The following PPME1 variants were observed in gnomAD, a reference collection of about 807,000 sequenced individuals.
PPME1 encodes testicular secretory protein Li 39.
A neutral mutation model predicts 56.9 loss-of-function variants in PPME1; 17 were observed. The ratio of observed to expected loss-of-function variants is 0.30; its 90% confidence interval spans 0.20 to 0.45. The LOEUF is 0.45. Among genes scored for constraint, PPME1 ranks in the 20% least tolerant of loss-of-function variants. The pLI is 1.00. For synonymous variants in PPME1, 122 were observed against 156.2 expected (o/e 0.78, Z 1.63); for missense variants, 357 against 483.2 (o/e 0.74, Z 2.45).
intron 1 of PPME1, among the ~76,000 whole-genome samples, chr11:74,192,421 G>C (rs1231383113): frequency 6.6e-6 from 1 of 152,078 alleles, no homozygotes; most frequent in East Asian, 1.9e-4. Flanking sequence ...ATGAGTCTTA[G>C]ATGAGACTTA....
chr11:74,178,526 T>C (rs1857454046), intron 1 of PPME1, among the ~76,000 whole-genome samples: 2 of 152,296 alleles, frequency 1.3e-5, no homozygotes, highest in South Asian at 4.1e-4. Context: ...GGGCAGGTAA[T>C]GTCTGGAATA....
rs1245123801 is a variant in PPME1, at chr11:74,197,154, C to G, written c.102-6574C>G. Among the ~76,000 whole-genome samples the G allele has an allele frequency of 2.6e-5, 4 of 152,082 alleles. No homozygotes were observed. In the East Asian group the frequency reaches 7.7e-4, roughly 29 times the overall value. ...ACCACAGTCTTGATTGGTGTAGTAT[C>G]CCATTCGCTTTTACTAGAAAGTTTA... On this transcript the variant is annotated intron_variant, in intron 1 of 13. Transcript: ENST00000328257.
intron 7 of PPME1, among the ~76,000 whole-genome samples, chr11:74,235,376 TCTC>T (rs1034359043): frequency 8.5e-5 from 13 of 152,150 alleles, no homozygotes; most frequent in African/African-American, 3.1e-4. Flanking sequence ...CCTCCCTGCT[TCTC>T]CTTGCACCCA....
chr11:74,249,261 T>C (rs1410754272), intron 11 of PPME1: 1 of 152,220 alleles, frequency 6.6e-6, no homozygotes, highest in Non-Finnish European at 1.5e-5. Flanking sequence ...GCCAGCACTG[T>C]GTTCAAACCA....
At chr11:74,231,314 C>G (rs1478205283) in intron 7 of PPME1, among the ~76,000 whole-genome samples, 1 of 152,202 alleles carries the variant, frequency 6.6e-6, no homozygotes, top group African/African-American at 2.4e-5. Context: ...CTCAAGTAAT[C>G]AAGTAATCAA....
intron 13 of PPME1, 200 bp downstream of exon 13, chr11:74,251,915 G>C: frequency 5.2e-6 from 4 of 768,450 alleles, no homozygotes; most frequent in Non-Finnish European, 9.3e-6. Flanking sequence ...GTGCTCCCAC[G>C]GGTTGATGCT....
At chr11:74,190,017 T>C (rs568777590) in intron 1 of PPME1, among the ~76,000 whole-genome samples, 1 of 152,238 alleles carries the variant, frequency 6.6e-6, no homozygotes, top group Non-Finnish European at 1.5e-5. Flanking sequence ...AATCTGAAAC[T>C]TTTTGAGTGC....
At chr11:74,211,336 T>C (rs1236987251) in intron 3 of PPME1, among the ~76,000 whole-genome samples, 2 of 151,778 alleles carry the variant, frequency 1.3e-5, no homozygotes, top group Non-Finnish European at 2.9e-5. Context: ...CAAGATAATT[T>C]TGAAAAAGAG....
intron 1 of PPME1, among the ~76,000 whole-genome samples, chr11:74,191,490 A>G (rs898349901): frequency 6.6e-6 from 1 of 152,232 alleles, no homozygotes; most frequent in African/African-American, 2.4e-5. Flanking sequence ...AAAGGGAACC[A>G]ATTGTTAATA....
At chr11:74,246,682 T>G (rs1336531517) in intron 10 of PPME1, among the ~76,000 whole-genome samples, 1 of 152,168 alleles carries the variant, frequency 6.6e-6, no homozygotes, top group Non-Finnish European at 1.5e-5. Context: ...CCTTCCTCAT[T>G]CATCTATGCC....
chr11:74,208,731 C>CAG (rs1858394704), intron 3 of PPME1, among the ~76,000 whole-genome samples: 1 of 152,094 alleles, frequency 6.6e-6, no homozygotes, highest in African/African-American at 2.4e-5. Context: ...AAAGGTAATG[C>CAG]AGAGGAAGGA....
intron 1 of PPME1, among the ~76,000 whole-genome samples, chr11:74,200,635 G>A (rs746061530): frequency 7.2e-5 from 11 of 151,934 alleles, no homozygotes; most frequent in African/African-American, 9.7e-5. Flanking sequence ...TGCCCACCTC[G>A]GTCTCCCAAA....
chr11:74,174,191 G>C (rs1454769067), intron 1 of PPME1, among the ~76,000 whole-genome samples: 1 of 152,134 alleles, frequency 6.6e-6, no homozygotes, highest in South Asian at 2.1e-4. Context: ...ATAAGGGAAT[G>C]TATTAATAAA....
intron 1 of PPME1, among the ~76,000 whole-genome samples, chr11:74,201,174 A>G (rs1406832771): frequency 6.6e-6 from 1 of 151,676 alleles, no homozygotes; most frequent in Non-Finnish European, 1.5e-5. Flanking sequence ...ACGGGGTTTC[A>G]CCGTGTTAGC....
intron 9 of PPME1, among the ~76,000 whole-genome samples, chr11:74,239,958 A>ATTTTTTTT (rs760748505): frequency 1.1e-5 from 1 of 89,920 alleles, no homozygotes; most frequent in Non-Finnish European, 2.4e-5. Context: ...TTTTCTTTCC[A>ATTTTTTTT]TTTTTTTTTT....
intron 1 of PPME1, among the ~76,000 whole-genome samples, chr11:74,175,371 C>T (rs1857377554): frequency 6.6e-6 from 1 of 152,050 alleles, no homozygotes; most frequent in Non-Finnish European, 1.5e-5. Context: ...CGTGGTGGCA[C>T]ATGCCTGTAA....
At chr11:74,211,748 A>T (rs1468148832) in intron 3 of PPME1, among the ~76,000 whole-genome samples, 1 of 152,206 alleles carries the variant, frequency 6.6e-6, no homozygotes, top group African/African-American at 2.4e-5. Context: ...TATATTAAAA[A>T]GAAGAAAAAA....
intron 12 of PPME1, 177 bp downstream of exon 12, chr11:74,251,195 T>C: frequency 6.9e-7 from 1 of 1,449,798 alleles, no homozygotes; most frequent in Non-Finnish European, 9.1e-7. Flanking sequence ...TGGTATTGGT[T>C]TTGTGTATAT....
intron 1 of PPME1, among the ~76,000 whole-genome samples, chr11:74,189,009 C>T (rs1857764785): frequency 6.6e-6 from 1 of 152,092 alleles, no homozygotes; most frequent in Non-Finnish European, 1.5e-5. Context: ...TTTGTAATAT[C>T]CTACAAGTAA....
Sources: gnomAD v4.1 joint callset for allele counts (sites outside exome capture counted in the v4.1 genomes callset) on GRCh38, gnomAD v4.1.1 for gene constraint, MANE v1.5 for transcripts, NCBI Gene and HGNC (gene_info 2026-07-23, HGNC 2026-07-21) for gene names.